The following ZNF544 variants were observed in gnomAD, a reference collection of about 807,000 sequenced individuals.
ZNF544 encodes zinc finger protein AF020591.
Under a neutral mutation model 13.5 loss-of-function variants are expected in ZNF544, and 10 were observed. The observed-to-expected ratio is 0.74, with a 90% CI of 0.46 to 1.25. The LOEUF (loss-of-function observed/expected upper bound fraction) is 1.25. Ranked by LOEUF, ZNF544 falls within the 50% of genes most tolerant of loss-of-function variation. The probability of loss-of-function intolerance (pLI) is 0.00; values close to 1 mark genes in which losing one functional copy is unlikely to be tolerated. For synonymous variants in ZNF544, 323 were observed against 300.5 expected (o/e 1.07, Z -0.77); for missense variants, 896 against 845.6 (o/e 1.06, Z -0.74).
chr19:58,252,039 G>A (rs1350052536), intron 6 of ZNF544, among the ~76,000 whole-genome samples: 1 of 152,154 alleles, frequency 6.6e-6, no homozygotes, highest in Non-Finnish European at 1.5e-5. Flanking sequence ...TGTTCTGGTA[G>A]GGTACACTTC....
chr19:58,264,092 CAAAA>C (rs34001424), downstream of ZNF544: 2 of 134,996 alleles, frequency 1.5e-5, no homozygotes, highest in Non-Finnish European at 3.1e-5. Context: ...AAGACTGTCT[CAAAA>C]AAAAAAAAAA....
Position 58,244,049 on chromosome 19 carries a change from C to T in ZNF544, c.26C>T (p.Pro9Leu), listed in dbSNP as rs780680966. MEARSMLV[P>L]PQASVCFEDV... ...ATGGAAGCACGTTCTATGCTGGTTC[C>T]ACCCCAGGTGAGTGGGGGGTCTTTG... The change falls in exon 4 of 7, where the codon CCA becomes CTA. Residue 9 changes from proline to leucine, a missense_variant. Pro to Leu is a moderately conservative substitution (Grantham distance 98). Coordinates refer to ENST00000687789, the MANE Select transcript of ZNF544 (RefSeq NM_014480.4). The T allele has an allele frequency of 1.0e-5, 16 of 1,607,782 alleles. No homozygotes were observed. The highest frequency in any genetic ancestry group is 1.3e-5 in the African/African-American group (1 of 74,780).
At chr19:58,238,162 C>T (rs1313061349) in intron 3 of ZNF544, among the ~76,000 whole-genome samples, 14 of 152,168 alleles carry the variant, frequency 9.2e-5, no homozygotes, top group Admixed American at 9.2e-4. Flanking sequence ...GAACTCCTGA[C>T]CTCAGGTGAT....
At chr19:58,249,682 A>T (rs2045975442) in intron 6 of ZNF544, among the ~76,000 whole-genome samples, 2 of 152,152 alleles carry the variant, frequency 1.3e-5, no homozygotes, top group African/African-American at 4.8e-5. Context: ...CGGCATAAAA[A>T]CAGCATTCTT....
Position 58,261,468 on chromosome 19 carries a change from C to A in ZNF544, c.862C>A (p.Gln288Lys). The A allele has an allele frequency of 6.2e-7, 1 of 1,614,136 alleles. No homozygotes were observed. The highest frequency in any genetic ancestry group is 8.5e-7 in the Non-Finnish European group (1 of 1,180,036). ...LFSHSVSLNEQKPVHFGKSQY... is the reference protein window; with the variant it reads ...LFSHSVSLNEKKPVHFGKSQY... The stretch of plus-strand genomic sequence containing the variant: ...CAGTCACAGTGTGTCTCTGAATGAA[C>A]AGAAGCCAGTGCATTTTGGGAAAAG... The change falls in exon 7 of 7, where the codon CAG becomes AAG. Residue 288 changes from glutamine (Q) to lysine (K), a missense_variant. Coordinates refer to ENST00000687789, the MANE Select transcript of ZNF544 (RefSeq NM_014480.4).
rs1358248018 is a variant in ZNF544 at position 58,246,319 on chromosome 19, G to A, written c.52G>A (p.Asp18Asn). 4 of 1,614,136 alleles carry A rather than the reference G, an allele frequency of 2.5e-6. 1 individual carries two copies. The Admixed American group carries it at 6.7e-5, about 27-fold the overall frequency. ...GTTTCAGGCATCTGTGTGCTTCGAGGATGTGGCTATGGCATTCACACAGGA... is the reference window on the plus strand; with the variant it reads ...GTTTCAGGCATCTGTGTGCTTCGAGAATGTGGCTATGGCATTCACACAGGA... ...VPPQASVCFE[D>N]VAMAFTQEEW... The change falls in exon 5 of 7, where the codon GAT becomes AAT. Residue 18 changes from aspartate to asparagine, a missense_variant. Transcript: ENST00000687789.
At chr19:58,267,773 G>A (rs2050118662), downstream of ZNF544, 1 of 151,616 alleles carries the variant, frequency 6.6e-6, no homozygotes, top group Admixed American at 6.6e-5. Context: ...ACGAGGTCAG[G>A]AGATCGAGAT....
At chr19:58,266,466 A>G (rs1187984362), downstream of ZNF544, among the ~76,000 whole-genome samples, 8 of 149,684 alleles carry the variant, frequency 5.3e-5, no homozygotes, top group Admixed American at 2.0e-4. Flanking sequence ...AGTGAGCCAA[A>G]ATCATGCCAC....
intron 4 of ZNF544, 94 bp downstream of exon 4, chr19:58,244,150 AGCGCTCCGC>A: frequency 9.2e-7 from 1 of 1,082,084 alleles, no homozygotes. Flanking sequence ...GTCACACAGG[AGCGCTCCGC>A]AGTGCTGGCC....
intron 3 of ZNF544, among the ~76,000 whole-genome samples, chr19:58,238,478 G>A (rs146361951): frequency 1.2e-4 from 19 of 152,304 alleles, no homozygotes; most frequent in South Asian, 4.1e-4. Flanking sequence ...GGTGCATAGT[G>A]CCTGGAAGAC....
intron 6 of ZNF544, chr19:58,258,603 C>G (rs682286): frequency 0.018 from 1,003 of 55,510 alleles, 1 homozygote; most frequent in African/African-American, 0.057. Context: ...GAGGGCACCA[C>G]GTGTGAGAGT....
At chr19:58,248,275 T>C (rs1181156117) in intron 6 of ZNF544, among the ~76,000 whole-genome samples, 5 of 55,802 alleles carry the variant, frequency 9.0e-5, no homozygotes, top group African/African-American at 3.0e-4. Flanking sequence ...TTTTTTTTCT[T>C]TTTTTTTTTT....
intron 2 of ZNF544, 92 bp from the exon 3 acceptor site, chr19:58,230,302 C>T (rs559861502): frequency 1.3e-5 from 2 of 152,338 alleles, no homozygotes; most frequent in East Asian, 1.9e-4. Flanking sequence ...TGTTGTGCCC[C>T]TTTTGCAGGT....
chr19:58,271,359 T>C (rs1600432171), intron 5 of ZNF544, among the ~76,000 whole-genome samples: 1 of 151,908 alleles, frequency 6.6e-6, no homozygotes, highest in African/African-American at 2.4e-5. Flanking sequence ...CCCAGTGCTT[T>C]GGGAGGCTGA....
intron 3 of ZNF544, among the ~76,000 whole-genome samples, chr19:58,237,818 G>A (rs1031661909): frequency 3.9e-5 from 6 of 152,242 alleles, no homozygotes; most frequent in African/African-American, 1.4e-4. Context: ...TGGGGAGGCA[G>A]CAAGGTGCGG....
intron 3 of ZNF544, among the ~76,000 whole-genome samples, chr19:58,236,720 G>C (rs1241927832): frequency 2.7e-5 from 4 of 150,602 alleles, no homozygotes; most frequent in South Asian, 2.1e-4. Context: ...GCCTCCATTT[G>C]TGTGTATGTA....
chr19:58,261,585 A>C lies in ZNF544; in HGVS notation c.979A>C (p.Arg327=). ...ERSGPGETPF[R]CEERCAAFPM... ...AAGTGGCCCTGGAGAGACCCCCTTC[A>C]GATGTGAGGAACGCTGTGCTGCCTT... Residue 327 remains arginine (R), a synonymous_variant, in exon 7 of 7, where the codon AGA becomes CGA. Transcript: ENST00000687789. The C allele has an allele frequency of 6.2e-7, 1 of 1,614,204 alleles. No homozygotes were observed. The highest frequency in any genetic ancestry group is 8.5e-7 in the Non-Finnish European group (1 of 1,180,034).
intron 6 of ZNF544, among the ~76,000 whole-genome samples, chr19:58,248,619 G>T (rs2045790683): frequency 6.6e-6 from 1 of 152,136 alleles, no homozygotes; most frequent in Non-Finnish European, 1.5e-5. Flanking sequence ...AGACAGAGTA[G>T]TTCCACTACC....
intron 6 of ZNF544, chr19:58,276,531 A>C (rs1456026013): frequency 3.1e-6 from 2 of 637,620 alleles, no homozygotes; most frequent in East Asian, 3.7e-5. Flanking sequence ...GCAGTGGCGC[A>C]ATCTCAGCTA....
Sources: gnomAD v4.1 joint callset for allele counts (sites outside exome capture counted in the v4.1 genomes callset) on GRCh38, gnomAD v4.1.1 for gene constraint, MANE v1.5 for transcripts, NCBI Gene and HGNC (gene_info 2026-07-23, HGNC 2026-07-21) for gene names.